The following MROH2B variants were observed in gnomAD, a reference collection of about 807,000 sequenced individuals.
MROH2B encodes the protein maestro heat-like repeat-containing protein family member 2B.
Under a neutral mutation model 208.6 loss-of-function variants are expected in MROH2B, and 177 were observed. The ratio of observed to expected loss-of-function variants is 0.85; its 90% CI spans 0.75 to 0.96. MROH2B has a LOEUF of 0.96. Ranked by LOEUF, MROH2B falls within the 40% of genes least tolerant of loss-of-function variation. The pLI is 0.00. For missense variants in MROH2B, 2,002 were observed against 1,878.7 expected (o/e 1.07, Z -1.21); for synonymous variants, 728 against 659.0 (o/e 1.10, Z -1.60).
chr5:41,067,429 T>A (rs1009789232), intron 2 of MROH2B, among the ~76,000 whole-genome samples: 23 of 152,222 alleles, frequency 1.5e-4, no homozygotes, highest in African/African-American at 5.3e-4. Flanking sequence ...TGCAATGGCA[T>A]GATCTCAGCT....
chr5:41,033,244 T>G lies in MROH2B; in HGVS notation c.2242-84A>C, dbSNP rs1044856766. 3 of 1,538,644 alleles carry G rather than the reference T, an allele frequency of 1.9e-6. No individual in the cohort carries two copies. The African/African-American group carries it at 4.1e-5, about 21-fold the overall frequency. ...TAACATGTGACCTAGCTTTGAAATA[T>G]GTTCCCAGACAGGAGTGAGAATCTT... On this transcript the variant is annotated intron_variant, in intron 22 of 41. Coordinates refer to ENST00000399564, the MANE Select transcript of MROH2B (RefSeq NM_173489.5).
chr5:41,005,796 C>T lies in MROH2B; in HGVS notation c.3750-151G>A, dbSNP rs1045614481. ...CTGTAATCCTAGAACTTTGGGAGGC[C>T]GAGGCAGGTGGATTGCCTGAGCTCA... On this transcript the variant is annotated intron_variant, in intron 34 of 41. Coordinates refer to ENST00000399564, the MANE Select transcript of MROH2B (RefSeq NM_173489.5). Among the ~76,000 whole-genome samples, 12 of 151,896 alleles carry T rather than the reference C, an allele frequency of 7.9e-5. No individual in the cohort carries two copies. The South Asian group carries it at 2.1e-3, about 26-fold the overall frequency.
intron 24 of MROH2B, among the ~76,000 whole-genome samples, chr5:41,028,992 A>G (rs533613803): frequency 6.6e-6 from 1 of 152,238 alleles, no homozygotes; most frequent in East Asian, 1.9e-4. Flanking sequence ...ATATACACAG[A>G]AGATAAATTG....
intron 24 of MROH2B, among the ~76,000 whole-genome samples, chr5:41,023,575 C>G (rs765430015): frequency 6.6e-6 from 1 of 152,004 alleles, no homozygotes; most frequent in African/African-American, 2.4e-5. Context: ...GTTGGTGTAC[C>G]TGAAAGTGAT....
chr5:41,016,604 G>A (rs968971663), intron 28 of MROH2B, among the ~76,000 whole-genome samples: 6 of 130,768 alleles, frequency 4.6e-5, no homozygotes, highest in Non-Finnish European at 6.2e-5. Context: ...TCAGCCTCCC[G>A]AGTAGCTGGG....
In MROH2B at chr5:41,000,281, C is replaced by A. The variant is rs189708836; in HGVS notation, c.4421G>T (p.Arg1474Leu). Residue 1474 changes from arginine (R) to leucine (L), a missense_variant, in exon 39 of 42, where the codon CGT becomes CTT. Physicochemically the swap from Arg to Leu is moderately radical, Grantham distance 102. Transcript: ENST00000399564. ...CCTTGGTAGATCCTGATCAAGGAGACGGTCTAATACCCCATAGAGCTCCTG... is the reference window on the plus strand; with the variant it reads ...CCTTGGTAGATCCTGATCAAGGAGAAGGTCTAATACCCCATAGAGCTCCTG... The part of the protein sequence containing the change: ...GLQELYGVLD[R>L]LLDQDLPRAR... 2.5e-5 allele frequency: 40 copies of A among 1,613,816 alleles called. No individual in the cohort carries two copies. The East Asian group carries it at 8.7e-4, about 35-fold the overall frequency.
At chr5:41,014,663 C>G (rs531125943) in intron 29 of MROH2B, among the ~76,000 whole-genome samples, 72 of 152,178 alleles carry the variant, frequency 4.7e-4, no homozygotes, top group African/African-American at 1.7e-3. Context: ...CCAGTTATCT[C>G]TTGGATCTCA....
At chr5:41,040,075 G>A (rs1742895845) in intron 19 of MROH2B, among the ~76,000 whole-genome samples, 1 of 152,178 alleles carries the variant, frequency 6.6e-6, no homozygotes, top group South Asian at 2.1e-4. Flanking sequence ...GAGGTGGCGG[G>A]TTCATTACAG....
chr5:41,004,457 G>C lies in MROH2B; in HGVS notation c.4083C>G (p.Val1361=), dbSNP rs779752867. The C allele has an allele frequency of 6.2e-7, 1 of 1,613,954 alleles. No homozygotes were observed. The highest frequency in any genetic ancestry group is 8.5e-7 in the Non-Finnish European group (1 of 1,179,858). The change falls in exon 37 of 42, where the codon GTC becomes GTG. Residue 1361 remains valine (V), a synonymous_variant. Coordinates refer to ENST00000399564, the MANE Select transcript of MROH2B (RefSeq NM_173489.5). ...RGLYHLARTE[V]VCESLKALKK... is the part of the protein sequence containing the mutation. Reference sequence around the variant, plus strand: ...TTAGAGCCTTCAAGCTTTCACAGACGACTTCAGTGCGAGCTAGGTGATACA... The same window carrying C: ...TTAGAGCCTTCAAGCTTTCACAGACCACTTCAGTGCGAGCTAGGTGATACA...
chr5:41,001,906 G>T, intron 37 of MROH2B, among the ~76,000 whole-genome samples: 1 of 151,832 alleles, frequency 6.6e-6, no homozygotes, highest in South Asian at 2.1e-4. Context: ...AACAAAAAGG[G>T]ATTAAAGAAA....
At position 41,000,723 on chromosome 5, in the gene MROH2B, A is replaced by T; in HGVS notation, c.4305T>A (p.Ile1435=). 2 of 1,612,580 alleles carry T rather than the reference A, an allele frequency of 1.2e-6. No individual in the cohort carries two copies. The highest frequency in any genetic ancestry group is 1.7e-6 in the Non-Finnish European group (2 of 1,179,388). ...GATCCCAAAGGTGCAGAAGGAATGAAATCAGGCTCTTTTTTATTTCTTCAG... is the reference window on the plus strand; with the variant it reads ...GATCCCAAAGGTGCAGAAGGAATGATATCAGGCTCTTTTTTATTTCTTCAG... ...FFAEEIKKSL[I]SFLLHLWDPN... The change falls in exon 38 of 42, where the codon ATT becomes ATA. Residue 1435 remains isoleucine, a synonymous_variant. Coordinates refer to ENST00000399564, the MANE Select transcript of MROH2B (RefSeq NM_173489.5).
chr5:41,025,248 T>C (rs4957364), intron 24 of MROH2B, among the ~76,000 whole-genome samples: 41,784 of 151,762 alleles, frequency 0.28, 6,948 homozygotes, highest in Non-Finnish European at 0.37. Context: ...ATCTAGGAGC[T>C]GGTTTTTTGA....
intron 24 of MROH2B, among the ~76,000 whole-genome samples, chr5:41,027,904 T>C (rs1476153988): frequency 6.6e-6 from 1 of 152,130 alleles, no homozygotes; most frequent in East Asian, 1.9e-4. Context: ...TGGATGAAGC[T>C]GGAAACCATC....
At chr5:41,064,604 T>C in intron 4 of MROH2B, 34 bp from the exon 5 acceptor site, 3 of 1,550,442 alleles carry the variant, frequency 1.9e-6, no homozygotes, top group Non-Finnish European at 2.7e-6. Context: ...ACAAGTGTTA[T>C]TTATCTTCTC....
In MROH2B at chr5:41,048,316, C is replaced by T. The variant is rs1561299592; in HGVS notation, c.1684+8G>A. On this transcript the variant is annotated splice_region_variant and intron_variant, in intron 16 of 41. Coordinates refer to ENST00000399564, the MANE Select transcript of MROH2B (RefSeq NM_173489.5). The stretch of plus-strand genomic sequence containing the variant: ...CCTGGGTAAAGACCTGGCCCCAATC[C>T]CTTGTACCTTCCAGAGGCTGCAGAA... 1.9e-6 allele frequency: 3 copies of T among 1,610,536 alleles called. No individual in the cohort carries two copies. Among genetic ancestry groups the T allele is most frequent in the South Asian group, 1.1e-5 (1 of 90,474 alleles).
At chr5:41,038,607 G>A in intron 21 of MROH2B, 129 bp downstream of exon 21, 1 of 853,202 alleles carries the variant, frequency 1.2e-6, no homozygotes, top group South Asian at 2.3e-5. Flanking sequence ...TACTGTATTA[G>A]TCTGTTTTCA....
At chr5:41,054,650 G>T (rs1743388358) in intron 11 of MROH2B, 117 bp downstream of exon 11, 1 of 660,388 alleles carries the variant, frequency 1.5e-6, no homozygotes. Flanking sequence ...TTTTAAAAAT[G>T]GAATTGACCA....
At chr5:41,060,532 A>G (rs1032573502) in intron 6 of MROH2B, among the ~76,000 whole-genome samples, 1 of 151,680 alleles carries the variant, frequency 6.6e-6, no homozygotes, top group African/African-American at 2.4e-5. Flanking sequence ...ATGCTTCCCC[A>G]TTTTCAACCT....
chr5:41,043,087 T>C (rs1743004867), intron 18 of MROH2B, among the ~76,000 whole-genome samples: 1 of 152,194 alleles, frequency 6.6e-6, no homozygotes, highest in South Asian at 2.1e-4. Context: ...TGAGTGGTCA[T>C]TACTGACAAT....
Sources: gnomAD v4.1 joint callset for allele counts (sites outside exome capture counted in the v4.1 genomes callset) on GRCh38, gnomAD v4.1.1 for gene constraint, MANE v1.5 for transcripts, NCBI Gene and HGNC (gene_info 2026-07-23, HGNC 2026-07-21) for gene names.